The following SGCZ variants were observed in gnomAD, a reference collection of about 807,000 sequenced individuals.
SGCZ encodes sarcoglycan zeta.
Under a neutral mutation model 41.3 loss-of-function variants are expected in SGCZ, and 40 were observed. That is an observed-to-expected ratio of 0.97 (90% CI 0.75 to 1.26). The LOEUF is 1.26. Ranked by LOEUF, SGCZ falls within the 50% of genes most tolerant of loss-of-function variation. SGCZ has a pLI of 0.00. For synonymous variants in SGCZ, 206 were observed against 137.5 expected, an observed-to-expected ratio of 1.50 and a Z score of -3.49; for missense variants, 552 against 369.8, an observed-to-expected ratio of 1.49 and a Z score of -4.04.
chr8:15,121,158 C>T (rs1365982637), intron 1 of SGCZ, among the ~76,000 whole-genome samples: 2 of 152,178 alleles, frequency 1.3e-5, no homozygotes, highest in Non-Finnish European at 2.9e-5. Context: ...TCTTACCCTT[C>T]TTTGGTTATG....
intron 1 of SGCZ, among the ~76,000 whole-genome samples, chr8:15,153,495 T>A (rs1398895318): frequency 1.3e-5 from 2 of 152,118 alleles, no homozygotes; most frequent in Non-Finnish European, 2.9e-5. Context: ...TATGTCCCCA[T>A]CCAAATCTCA....
chr8:15,097,689 A>G (rs191731446), intron 1 of SGCZ, among the ~76,000 whole-genome samples: 172 of 150,808 alleles, frequency 1.1e-3, no homozygotes, highest in Middle Eastern at 0.011. Context: ...TGATTACACC[A>G]ATACATTACT....
At chr8:15,031,341 T>C (rs1307418997) in intron 1 of SGCZ, among the ~76,000 whole-genome samples, 1 of 152,170 alleles carries the variant, frequency 6.6e-6, no homozygotes, top group East Asian at 1.9e-4. Flanking sequence ...AGTGGTGTAT[T>C]TGACTAGTAG....
intron 2 of SGCZ, among the ~76,000 whole-genome samples, chr8:14,345,896 A>C (rs1341599458): frequency 1.3e-5 from 2 of 152,092 alleles, no homozygotes; most frequent in Admixed American, 6.6e-5. Flanking sequence ...AACACAGTCA[A>C]AAGATCAGTG....
intron 1 of SGCZ, among the ~76,000 whole-genome samples, chr8:15,118,598 TA>T (rs1239377405): frequency 1.3e-5 from 2 of 152,166 alleles, no homozygotes; most frequent in African/African-American, 4.8e-5. Flanking sequence ...TTTGAATGGG[TA>T]GTTCAAAGGG....
chr8:14,700,914 AG>A (rs1809116367), intron 1 of SGCZ, among the ~76,000 whole-genome samples: 1 of 151,924 alleles, frequency 6.6e-6, no homozygotes, highest in Non-Finnish European at 1.5e-5. Context: ...GAAGCAGGAA[AG>A]GGGGAAGGTT....
intron 3 of SGCZ, among the ~76,000 whole-genome samples, chr8:14,283,362 T>TTAC (rs1423183818): frequency 1.6e-4 from 25 of 152,176 alleles, no homozygotes; most frequent in African/African-American, 6.0e-4. Flanking sequence ...TCTCAGCATA[T>TTAC]TACTACACGT....
chr8:14,316,546 G>A (rs150952135), intron 3 of SGCZ, among the ~76,000 whole-genome samples: 2 of 152,062 alleles, frequency 1.3e-5, no homozygotes, highest in African/African-American at 4.8e-5. Context: ...AGGATTTGTA[G>A]TCTCCATGTT....
At chr8:14,291,250 G>C (rs7845236) in intron 3 of SGCZ, among the ~76,000 whole-genome samples, 1 of 151,840 alleles carries the variant, frequency 6.6e-6, no homozygotes, top group Non-Finnish European at 1.5e-5. Flanking sequence ...AGGTTAAAGA[G>C]AGTTAACAAT....
intron 1 of SGCZ, among the ~76,000 whole-genome samples, chr8:14,664,563 G>T (rs1201207818): frequency 6.6e-6 from 1 of 152,138 alleles, no homozygotes; most frequent in African/African-American, 2.4e-5. Context: ...ATACTTTAAG[G>T]AGGACAAGAG....
intron 1 of SGCZ, among the ~76,000 whole-genome samples, chr8:14,772,417 T>C (rs1800270050): frequency 6.6e-6 from 1 of 150,750 alleles, no homozygotes; most frequent in African/African-American, 2.5e-5. Flanking sequence ...CATATGACTC[T>C]TAGTATTTCT....
At chr8:14,094,684 G>C (rs1014660767) in intron 7 of SGCZ, among the ~76,000 whole-genome samples, 15 of 152,056 alleles carry the variant, frequency 9.9e-5, no homozygotes, top group Admixed American at 7.9e-4. Context: ...TGGTATTCCT[G>C]GTTCTAGATC....
intron 3 of SGCZ, among the ~76,000 whole-genome samples, chr8:14,310,267 T>C (rs1801492073): frequency 6.6e-6 from 1 of 152,148 alleles, no homozygotes. Context: ...TTTTTCCTCA[T>C]GTAACATTGG....
chr8:14,234,003 T>C (rs1268487193), intron 4 of SGCZ, among the ~76,000 whole-genome samples: 1 of 151,946 alleles, frequency 6.6e-6, no homozygotes, highest in East Asian at 1.9e-4. Flanking sequence ...AATCTTGAGT[T>C]CATCAATCTC....
chr8:14,918,270 C>A lies in SGCZ; in HGVS notation c.39+319315G>T, dbSNP rs536510952. Among the ~76,000 whole-genome samples the A allele has an allele frequency of 2.0e-5, 3 of 152,188 alleles. No individual in the cohort carries two copies. In the South Asian group the frequency reaches 6.2e-4, roughly 32 times the overall value. ...GAGTATCTATATTACCATGGTTACA[C>A]TTGTTGACCTCATCCTGCTAGTTCT... On this transcript the variant is annotated intron_variant, in intron 1 of 7. Transcript: ENST00000382080.
intron 1 of SGCZ, among the ~76,000 whole-genome samples, chr8:14,723,357 C>A (rs1809951399): frequency 6.6e-6 from 1 of 152,178 alleles, no homozygotes; most frequent in South Asian, 2.1e-4. Flanking sequence ...GTGAGTGGGA[C>A]TGGGGCACTG....
chr8:14,239,991 T>C (rs1003823050), intron 3 of SGCZ, among the ~76,000 whole-genome samples: 4 of 148,198 alleles, frequency 2.7e-5, no homozygotes, highest in South Asian at 2.1e-4. Flanking sequence ...GAGAAGGCAA[T>C]GGATAGTTTA....
At chr8:15,201,325 T>C (rs377754850) in intron 1 of SGCZ, among the ~76,000 whole-genome samples, 4 of 152,148 alleles carry the variant, frequency 2.6e-5, no homozygotes, top group African/African-American at 9.7e-5. Flanking sequence ...CCTAGATCCA[T>C]TTCAAAGAGA....
chr8:14,099,597 T>G (rs796820861), intron 7 of SGCZ, among the ~76,000 whole-genome samples: 4 of 152,098 alleles, frequency 2.6e-5, no homozygotes, highest in African/African-American at 9.6e-5. Context: ...TGGTGGCAGG[T>G]GCCTGTAATC....
Sources: gnomAD v4.1 joint callset for allele counts (sites outside exome capture counted in the v4.1 genomes callset) on GRCh38, gnomAD v4.1.1 for gene constraint, MANE v1.5 for transcripts, NCBI Gene and HGNC (gene_info 2026-07-23, HGNC 2026-07-21) for gene names.